The following MKLN1 variants were observed in gnomAD, a reference collection of about 807,000 sequenced individuals.
MKLN1 encodes muskelin 1, also known as muskelin.
Under a neutral mutation model 99.0 loss-of-function variants are expected in MKLN1, and 18 were observed. That is an observed-to-expected ratio of 0.18 (90% CI 0.13 to 0.27). The LOEUF (loss-of-function observed/expected upper bound fraction) is 0.27, where lower values mean the gene tolerates loss of function less well. MKLN1 is among the 10% of genes least tolerant of loss of function. The pLI is 1.00. For missense variants in MKLN1, 621 were observed against 875.9 expected (o/e 0.71, Z 3.67); for synonymous variants, 288 against 293.2 (o/e 0.98, Z 0.18).
intron 1 of MKLN1, among the ~76,000 whole-genome samples, chr7:131,136,987 G>C (rs1017131180): frequency 6.6e-6 from 1 of 152,204 alleles, no homozygotes; most frequent in Non-Finnish European, 1.5e-5. Context: ...CTGTGACTTT[G>C]TCTTAATTCT....
chr7:131,231,353 T>C (rs1387431696), intron 3 of MKLN1, among the ~76,000 whole-genome samples: 1 of 152,098 alleles, frequency 6.6e-6, no homozygotes, highest in Admixed American at 6.5e-5. Context: ...TTCTCGTTTC[T>C]TCCCCCTGTG....
chr7:131,398,600 A>G (rs547556750), intron 5 of MKLN1, among the ~76,000 whole-genome samples: 28 of 152,224 alleles, frequency 1.8e-4, no homozygotes, highest in African/African-American at 6.0e-4. Context: ...AGGCTGAGGC[A>G]GAATTGCTTG....
intron 1 of MKLN1, among the ~76,000 whole-genome samples, chr7:131,339,550 T>C (rs1438763465): frequency 6.6e-6 from 1 of 151,994 alleles, no homozygotes; most frequent in African/African-American, 2.4e-5. Flanking sequence ...AATACAAAAA[T>C]TAGCAGGATG....
intron 16 of MKLN1, 52 bp downstream of exon 16, chr7:131,470,996 C>T: frequency 7.8e-7 from 1 of 1,274,340 alleles, no homozygotes; most frequent in Non-Finnish European, 1.1e-6. Context: ...TAAATGTCTT[C>T]CTAACTTATA....
chr7:131,235,325 G>A (rs1309695481), intron 3 of MKLN1, among the ~76,000 whole-genome samples: 2 of 143,878 alleles, frequency 1.4e-5, no homozygotes, highest in Non-Finnish European at 3.0e-5. Context: ...GAGAGAGAGA[G>A]GGAGAGAGAG....
intron 8 of MKLN1, among the ~76,000 whole-genome samples, chr7:131,428,792 C>T (rs931912539): frequency 1.3e-5 from 2 of 152,118 alleles, no homozygotes; most frequent in Non-Finnish European, 2.9e-5. Flanking sequence ...GACATGCCTC[C>T]TAGTTATCTG....
chr7:131,288,249 TCTC>T (rs1461392892), intron 3 of MKLN1, among the ~76,000 whole-genome samples: 1 of 152,090 alleles, frequency 6.6e-6, no homozygotes, highest in Non-Finnish European at 1.5e-5. Context: ...AGATATTTCT[TCTC>T]CTTTCCTCCC....
At chr7:131,371,493 T>G (rs1298039088) in intron 1 of MKLN1, among the ~76,000 whole-genome samples, 1 of 152,144 alleles carries the variant, frequency 6.6e-6, no homozygotes, top group Admixed American at 6.6e-5. Context: ...AAGAGTATAT[T>G]TTATTCAGCA....
chr7:131,297,281 A>T, intron 3 of MKLN1, among the ~76,000 whole-genome samples: 1 of 152,126 alleles, frequency 6.6e-6, no homozygotes, highest in East Asian at 1.9e-4. Context: ...GAATCGCTTG[A>T]ACCCGGGAGG....
At chr7:131,475,691 TC>T (rs1796945578) in intron 16 of MKLN1, among the ~76,000 whole-genome samples, 1 of 152,106 alleles carries the variant, frequency 6.6e-6, no homozygotes, top group African/African-American at 2.4e-5. Context: ...ATGCCTGTAG[TC>T]CCAGCTCCTC....
At chr7:131,437,264 CTG>C in intron 9 of MKLN1, among the ~76,000 whole-genome samples, 1 of 152,050 alleles carries the variant, frequency 6.6e-6, no homozygotes, top group Non-Finnish European at 1.5e-5. Flanking sequence ...GTGATGTTCC[CTG>C]CCCTGTGTCC....
chr7:131,196,653 T>C (rs1403071867), intron 2 of MKLN1, among the ~76,000 whole-genome samples: 2 of 152,214 alleles, frequency 1.3e-5, no homozygotes, highest in Non-Finnish European at 2.9e-5. Flanking sequence ...GTTTGCTAAA[T>C]AGCTTGTAAT....
intron 17 of MKLN1, among the ~76,000 whole-genome samples, chr7:131,485,907 A>C (rs1297914291): frequency 6.6e-6 from 1 of 152,114 alleles, no homozygotes; most frequent in Non-Finnish European, 1.5e-5. Context: ...TAAAAAAGTG[A>C]CTGAAAAATA....
At chr7:131,154,319 T>C (rs1795933525) in intron 2 of MKLN1, among the ~76,000 whole-genome samples, 1 of 151,998 alleles carries the variant, frequency 6.6e-6, no homozygotes, top group Non-Finnish European at 1.5e-5. Context: ...TAACCTCAGA[T>C]GATCCACCCG....
intron 8 of MKLN1, among the ~76,000 whole-genome samples, chr7:131,428,187 A>G (rs1466793760): frequency 1.3e-5 from 2 of 152,138 alleles, no homozygotes; most frequent in African/African-American, 4.8e-5. Flanking sequence ...TAAATAAATA[A>G]TAAAAATAAA....
At chr7:131,221,982 T>C (rs1797067249) in intron 3 of MKLN1, among the ~76,000 whole-genome samples, 1 of 150,794 alleles carries the variant, frequency 6.6e-6, no homozygotes, top group African/African-American at 2.4e-5. Flanking sequence ...CTCGGCTCAC[T>C]GCAACCTCCG....
At chr7:131,411,919 A>AAAAAAAAAAAAAAAAAAAAAC in intron 7 of MKLN1, among the ~76,000 whole-genome samples, 1 of 122,392 alleles carries the variant, frequency 8.2e-6, no homozygotes, top group Admixed American at 7.8e-5. Flanking sequence ...AAAAAAAAAA[A>AAAAAAAAAAAAAAAAAAAAAC]AAAAAAAAAA....
rs1477854758 is a variant in MKLN1, at chr7:131,239,526, C to A, written c.-179+36552C>A. On this transcript the variant is annotated intron_variant, in intron 3 of 7. Coordinates refer to the MKLN1 transcript ENST00000416992. ...GAGACAGGGGTCTTGCTAGGTTGCCCAGACTGATCTCAAACTCATGACCTT... is the reference window on the plus strand; with the variant it reads ...GAGACAGGGGTCTTGCTAGGTTGCCAAGACTGATCTCAAACTCATGACCTT... 2.6e-5 allele frequency among the ~76,000 whole-genome samples: 4 copies of A among 152,126 alleles called. No individual in the cohort carries two copies. The East Asian group carries it at 7.7e-4, about 29-fold the overall frequency.
chr7:131,349,399 G>A (rs552285091), intron 1 of MKLN1, among the ~76,000 whole-genome samples: 5 of 152,292 alleles, frequency 3.3e-5, no homozygotes, highest in African/African-American at 7.2e-5. Flanking sequence ...GTTTCACCAT[G>A]TTGACCAGGA....
Sources: gnomAD v4.1 joint callset for allele counts (sites outside exome capture counted in the v4.1 genomes callset) on GRCh38, gnomAD v4.1.1 for gene constraint, MANE v1.5 for transcripts, NCBI Gene and HGNC (gene_info 2026-07-23, HGNC 2026-07-21) for gene names.